ADAM7: variants seen among roughly 807,000 people sequenced by gnomAD.
The protein encoded by ADAM7 is disintegrin and metalloproteinase domain-containing protein 7.
A neutral mutation model predicts 102.9 loss-of-function variants in ADAM7; 97 were observed. That is an observed-to-expected ratio of 0.94 (90% CI 0.80 to 1.12). ADAM7 has a LOEUF of 1.12. Among genes scored for constraint, ADAM7 ranks in the 50% most tolerant of loss-of-function variants. ADAM7 has a pLI of 0.00. For synonymous variants in ADAM7, 334 were observed against 304.4 expected (o/e 1.10, Z -1.01); for missense variants, 991 against 908.7 (o/e 1.09, Z -1.16).
At chr8:24,478,119 A>G (rs1389558392) in intron 8 of ADAM7, among the ~76,000 whole-genome samples, 7 of 152,182 alleles carry the variant, frequency 4.6e-5, no homozygotes, top group Non-Finnish European at 8.8e-5. Flanking sequence ...GTCTGGGTAC[A>G]ACATAACTGG....
intron 20 of ADAM7, among the ~76,000 whole-genome samples, chr8:24,501,827 A>G (rs1585931641): frequency 6.6e-6 from 1 of 152,218 alleles, no homozygotes; most frequent in East Asian, 1.9e-4. Context: ...ATAACATACT[A>G]ATTTGTGCAC....
At chr8:24,451,945 T>C (rs1028952596) in intron 3 of ADAM7, among the ~76,000 whole-genome samples, 5 of 151,830 alleles carry the variant, frequency 3.3e-5, no homozygotes, top group Non-Finnish European at 5.9e-5. Context: ...TCAGTTTCCA[T>C]GTAGTTGAGC....
chr8:24,469,232 T>A (rs149624019), intron 7 of ADAM7, among the ~76,000 whole-genome samples: 2 of 152,276 alleles, frequency 1.3e-5, no homozygotes, highest in South Asian at 2.1e-4. Flanking sequence ...TGTAATTGAA[T>A]GTAAACCCCT....
At chr8:24,462,953 G>A (rs970456522) in intron 3 of ADAM7, among the ~76,000 whole-genome samples, 1 of 152,074 alleles carries the variant, frequency 6.6e-6, no homozygotes, top group African/African-American at 2.4e-5. Flanking sequence ...TAAGAGTAAT[G>A]TTCAAAATTT....
chr8:24,469,001 T>G (rs1819520405), intron 7 of ADAM7, among the ~76,000 whole-genome samples, 181 bp downstream of exon 7: 1 of 152,132 alleles, frequency 6.6e-6, no homozygotes. Flanking sequence ...AATAGCAGAC[T>G]GACCCAAAAT....
intron 15 of ADAM7, 93 bp from the exon 16 acceptor site, chr8:24,492,950 C>G: frequency 7.7e-7 from 1 of 1,298,868 alleles, no homozygotes; most frequent in African/African-American, 1.5e-5. Context: ...AAACCTGGAT[C>G]TAGAAAAAGA....
chr8:24,506,086 A>C (rs118064439), intron 20 of ADAM7: 21,433 of 1,545,588 alleles, frequency 0.014, 168 homozygotes, highest in Non-Finnish European at 0.016. Flanking sequence ...ATCTCTTCTT[A>C]CTAGCAGAGA....
intron 9 of ADAM7, 142 bp downstream of exon 9, chr8:24,482,453 C>G: frequency 1.2e-6 from 1 of 822,476 alleles, no homozygotes; most frequent in Non-Finnish European, 1.9e-6. Flanking sequence ...TGTAGCTACA[C>G]AGAAAATTTC....
chr8:24,476,042 TA>T, intron 7 of ADAM7: 3 of 444,782 alleles, frequency 6.7e-6, no homozygotes, highest in Non-Finnish European at 1.3e-5. Flanking sequence ...GAAGGACTAA[TA>T]AAGTTGCTGT....
chr8:24,493,190 T>C lies in ADAM7; in HGVS notation c.1803T>C (p.Ile601=), dbSNP rs754911464. 9 of 1,610,054 alleles carry C rather than the reference T, an allele frequency of 5.6e-6. No homozygotes were observed. Among genetic ancestry groups the C allele is most frequent in the African/African-American group, 1.3e-5 (1 of 74,700 alleles). The change falls in exon 16 of 22, where the codon ATT becomes ATC. Residue 601 remains isoleucine (I), a synonymous_variant. Coordinates refer to ENST00000175238, the MANE Select transcript of ADAM7 (RefSeq NM_003817.4). ...TIFLYHDSTD[I]GLVASGTKCG... is the part of the protein sequence containing the mutation. ...TTTTATACCATGATTCTACAGACATTGGCCTGGTGGCGTCAGGAACAAAAT... is the reference window on the plus strand; with the variant it reads ...TTTTATACCATGATTCTACAGACATCGGCCTGGTGGCGTCAGGAACAAAAT...
intron 16 of ADAM7, among the ~76,000 whole-genome samples, chr8:24,495,784 G>A (rs556649044): frequency 6.6e-6 from 1 of 152,258 alleles, no homozygotes; most frequent in South Asian, 2.1e-4. Context: ...TTCAATAGGT[G>A]ACTTGGGTGC....
chr8:24,482,442 T>C lies in ADAM7; in HGVS notation c.875+131T>C, dbSNP rs1208870719. On this transcript the variant is annotated intron_variant, in intron 9 of 21. Coordinates refer to ENST00000175238, the MANE Select transcript of ADAM7 (RefSeq NM_003817.4). Reference sequence around the variant, plus strand: ...GTAGCACACAGGGACAAAATGTTATTTGTAGCTACACAGAAAATTTCCAAG... The same window carrying C: ...GTAGCACACAGGGACAAAATGTTATCTGTAGCTACACAGAAAATTTCCAAG... 8 of 893,502 alleles carry C rather than the reference T, an allele frequency of 9.0e-6. No individual in the cohort carries two copies. In the East Asian group the frequency reaches 2.2e-4, roughly 24 times the overall value. 55.3% of individuals were successfully genotyped at this position (893,502 alleles called of 1,614,324 possible).
chr8:24,477,795 A>G (rs1819817855), intron 8 of ADAM7, among the ~76,000 whole-genome samples: 1 of 151,776 alleles, frequency 6.6e-6, no homozygotes, highest in South Asian at 2.1e-4. Flanking sequence ...ACCTTCCCCT[A>G]TGTGGTTTTC....
rs557551645 is a variant in ADAM7, at chr8:24,482,245, G to A, written c.809G>A (p.Arg270His). Residue 270 changes from arginine to histidine, a missense_variant, in exon 9 of 22, where the codon CGT becomes CAT. Coordinates refer to ENST00000175238, the MANE Select transcript of ADAM7 (RefSeq NM_003817.4). Reference sequence around the variant, plus strand: ...TCAAATATAGAAACTACCTTATTGCGTTTTTCATTTTGGCAAGAAAAGATC... The same window carrying A: ...TCAAATATAGAAACTACCTTATTGCATTTTTCATTTTGGCAAGAAAAGATC... Reference protein sequence around the residue: ...LYSNIETTLLRFSFWQEKILK... With the variant: ...LYSNIETTLLHFSFWQEKILK... 160 of 1,610,904 alleles carry A rather than the reference G, an allele frequency of 9.9e-5. No homozygotes were observed. The Middle Eastern group carries it at 1.2e-3, about 12-fold the overall frequency.
intron 12 of ADAM7, 126 bp downstream of exon 12, chr8:24,489,459 CATTTTT>C: frequency 1.1e-6 from 1 of 892,094 alleles, no homozygotes; most frequent in East Asian, 3.0e-5. Context: ...TTTTGCTTTC[CATTTTT>C]ATTTTGATTT....
At chr8:24,479,902 T>C (rs1819892339) in intron 8 of ADAM7, among the ~76,000 whole-genome samples, 1 of 152,174 alleles carries the variant, frequency 6.6e-6, no homozygotes, top group Admixed American at 6.5e-5. Context: ...GAAAAAAATA[T>C]ATGATTTTCT....
At chr8:24,447,355 T>C (rs987391560) in intron 3 of ADAM7, 93 bp downstream of exon 3, 3 of 568,304 alleles carry the variant, frequency 5.3e-6, no homozygotes, top group Non-Finnish European at 8.6e-6. Flanking sequence ...GATTCCTCAA[T>C]TTTTATTTGC....
chr8:24,499,214 T>G, intron 16 of ADAM7, 22 bp from the exon 17 acceptor site: 1 of 1,548,692 alleles, frequency 6.5e-7, no homozygotes, highest in Non-Finnish European at 8.7e-7. Context: ...TTTTAATTCA[T>G]GCTTGGTTAC....
Position 24,476,488 on chromosome 8 carries a change from T to G in ADAM7, c.689T>G (p.Val230Gly). 1 of 1,608,170 alleles carries G rather than the reference T, an allele frequency of 6.2e-7. No homozygotes were observed. The highest frequency in any genetic ancestry group is 1.3e-5 in the African/African-American group (1 of 74,906). ...CTAAGGAACCGAATTTGGGGAATGGTCAATTTTGTCAACATGGTAAGATTT... is the reference window on the plus strand; with the variant it reads ...CTAAGGAACCGAATTTGGGGAATGGGCAATTTTGTCAACATGGTAAGATTT... ...NKLRNRIWGM[V>G]NFVNMIYKTL... Residue 230 changes from valine to glycine, a missense_variant, in exon 8 of 22, where the codon GTC (valine) becomes GGC (glycine). Physicochemically the swap from Val to Gly is moderately radical, Grantham distance 109. Transcript: ENST00000175238.
Sources: gnomAD v4.1 joint callset for allele counts (sites outside exome capture counted in the v4.1 genomes callset) on GRCh38, gnomAD v4.1.1 for gene constraint, MANE v1.5 for transcripts, NCBI Gene and HGNC (gene_info 2026-07-23, HGNC 2026-07-21) for gene names.